Variants in AFF3 observed in about 807,000 individuals in gnomAD.
The protein encoded by AFF3 is ALF transcription elongation factor 3, also known as AF4/FMR2 family member 3.
Under a neutral mutation model 129.7 loss-of-function variants are expected in AFF3, and 32 were observed. That is an observed-to-expected ratio of 0.25 (90% CI 0.19 to 0.33). AFF3 has a LOEUF of 0.33. Ranked by LOEUF, AFF3 falls within the 10% of genes least tolerant of loss-of-function variation. AFF3 has a pLI of 1.00. For missense variants in AFF3, 1,373 were observed against 1,592.0 expected (o/e 0.86, Z 2.34); for synonymous variants, 644 against 635.4 (o/e 1.01, Z -0.20).
Position 99,593,896 on chromosome 2 carries a change from T to C in AFF3, c.1765A>G (p.Arg589Gly). Residue 589 changes from arginine to glycine, a missense_variant, in exon 15 of 25, where the codon AGG becomes GGG. Arg to Gly is a moderately radical substitution (Grantham distance 125). This residue lies in a region of AFF3 where 466 missense variants were observed against 505.0 expected (regional missense o/e 0.92). Transcript: ENST00000672756. ...CCGGCTGAGGTCCTCTCGGTGCGCCTGGTGGGCTTCTTGCCCGCGGACCTC... is the reference window on the plus strand; with the variant it reads ...CCGGCTGAGGTCCTCTCGGTGCGCCCGGTGGGCTTCTTGCCCGCGGACCTC... The part of the protein sequence containing the change: ...ARRSAGKKPT[R>G]RTERTSAGDG... 1 of 1,480,236 alleles carries C rather than the reference T, an allele frequency of 6.8e-7. No homozygotes were observed. The highest frequency in any genetic ancestry group is 8.9e-7 in the Non-Finnish European group (1 of 1,122,684). The allele number at this position is 1,480,236 out of a possible 1,614,324, so 91.7% of individuals were successfully genotyped here.
chr2:99,840,665 C>A (rs900068504), intron 7 of AFF3, among the ~76,000 whole-genome samples: 1 of 152,224 alleles, frequency 6.6e-6, no homozygotes, highest in Non-Finnish European at 1.5e-5. Context: ...CACTCCCATT[C>A]CCAATTCCTT....
intron 7 of AFF3, among the ~76,000 whole-genome samples, chr2:99,956,994 C>T (rs956571458): frequency 6.6e-6 from 1 of 152,198 alleles, no homozygotes; most frequent in African/African-American, 2.4e-5. Flanking sequence ...GCAGAAACAG[C>T]TGAGAGTGGT....
At chr2:99,793,147 G>T (rs1437473395) in intron 8 of AFF3, among the ~76,000 whole-genome samples, 1 of 152,272 alleles carries the variant, frequency 6.6e-6, no homozygotes, top group East Asian at 1.9e-4. Context: ...ATGGTAATGG[G>T]TGAGTTTCTA....
chr2:99,755,708 T>C (rs532679137), intron 8 of AFF3, among the ~76,000 whole-genome samples: 88 of 152,322 alleles, frequency 5.8e-4, no homozygotes, highest in African/African-American at 2.0e-3. Flanking sequence ...TTAACTCTGA[T>C]CTTTGGACTT....
intron 13 of AFF3, among the ~76,000 whole-genome samples, chr2:99,639,976 C>T (rs1218100310): frequency 6.6e-6 from 1 of 152,074 alleles, no homozygotes; most frequent in Non-Finnish European, 1.5e-5. Flanking sequence ...AGCCACTGCA[C>T]CCGGCCCAGG....
intron 2 of AFF3, among the ~76,000 whole-genome samples, chr2:100,119,124 A>G (rs891554449): frequency 2.6e-5 from 4 of 152,180 alleles, no homozygotes; most frequent in Admixed American, 1.3e-4. Context: ...TTGTATACAC[A>G]TAGTCTTAAT....
chr2:100,088,561 A>G (rs1315349024), intron 4 of AFF3, among the ~76,000 whole-genome samples: 1 of 149,460 alleles, frequency 6.7e-6, no homozygotes, highest in Non-Finnish European at 1.5e-5. Context: ...TTTGTTTTCC[A>G]AACGTCTGGA....
intron 7 of AFF3, among the ~76,000 whole-genome samples, chr2:99,981,581 C>G (rs1352880453): frequency 6.6e-6 from 1 of 152,162 alleles, no homozygotes; most frequent in African/African-American, 2.4e-5. Context: ...CACATTATGA[C>G]AATGATATTT....
chr2:100,120,120 G>A (rs145710575), intron 2 of AFF3, among the ~76,000 whole-genome samples: 263 of 152,326 alleles, frequency 1.7e-3, no homozygotes, highest in African/African-American at 5.8e-3. Flanking sequence ...AGTATTATCA[G>A]GTCTTGAGAA....
intron 7 of AFF3, among the ~76,000 whole-genome samples, chr2:100,000,643 A>C (rs1380697260): frequency 6.6e-6 from 1 of 152,186 alleles, no homozygotes; most frequent in Non-Finnish European, 1.5e-5. Flanking sequence ...CCAAATGCTT[A>C]GTATATTGTC....
At chr2:100,029,648 A>G (rs914334519) in intron 4 of AFF3, among the ~76,000 whole-genome samples, 1 of 152,218 alleles carries the variant, frequency 6.6e-6, no homozygotes, top group African/African-American at 2.4e-5. Context: ...GACGGCCACT[A>G]GGGGATGCAG....
In AFF3 at chr2:100,008,803, A is replaced by AC; in HGVS notation, c.174+8dup. ...GAGAGGTAGAGATGAACAACTGAAA[A>AC]CCATCTACCTTGTAGGGCTCACTGA... On this transcript the variant is annotated intron_variant, in intron 5 of 24. Coordinates refer to ENST00000672756, the MANE Select transcript of AFF3 (RefSeq NM_001386135.1). 6.2e-7 allele frequency: 1 copy of AC among 1,612,558 alleles called. No individual in the cohort carries two copies. The highest frequency in any genetic ancestry group is 8.5e-7 in the Non-Finnish European group (1 of 1,179,306).
intron 7 of AFF3, among the ~76,000 whole-genome samples, chr2:99,914,830 G>C (rs962470421): frequency 6.6e-6 from 1 of 152,086 alleles, no homozygotes; most frequent in East Asian, 1.9e-4. Flanking sequence ...TGAGGCAGGA[G>C]AATCGCTTGA....
intron 4 of AFF3, among the ~76,000 whole-genome samples, chr2:100,036,652 T>C (rs148316492): frequency 6.6e-6 from 1 of 151,258 alleles, no homozygotes; most frequent in Non-Finnish European, 1.5e-5. Context: ...AAATTAAAGA[T>C]AAACTAGGAA....
intron 7 of AFF3, among the ~76,000 whole-genome samples, chr2:99,955,313 T>C (rs1676535056): frequency 6.6e-6 from 1 of 152,184 alleles, no homozygotes; most frequent in African/African-American, 2.4e-5. Flanking sequence ...ATATAGAGTA[T>C]TCTGTCCTCT....
chr2:100,121,311 A>G (rs186191673), intron 2 of AFF3, among the ~76,000 whole-genome samples: 5 of 152,294 alleles, frequency 3.3e-5, no homozygotes, highest in Admixed American at 3.3e-4. Context: ...CATCGGAGAG[A>G]AGTGGTTTGA....
chr2:99,809,982 T>C (rs1003059680), intron 8 of AFF3, among the ~76,000 whole-genome samples: 10 of 152,224 alleles, frequency 6.6e-5, no homozygotes, highest in Non-Finnish European at 1.2e-4. Flanking sequence ...TTTTACAAAA[T>C]CTTTGGGAAA....
At chr2:99,683,686 C>T (rs987776086) in intron 11 of AFF3, among the ~76,000 whole-genome samples, 4 of 152,176 alleles carry the variant, frequency 2.6e-5, no homozygotes, top group African/African-American at 9.7e-5. Context: ...AGTGATCCAC[C>T]TGCCTCAGCC....
chr2:99,627,627 C>T (rs537411807), intron 13 of AFF3, among the ~76,000 whole-genome samples: 1 of 152,240 alleles, frequency 6.6e-6, no homozygotes, highest in South Asian at 2.1e-4. Context: ...CTTTTGGCAT[C>T]TTTGTCATGA....
Sources: gnomAD v4.1 joint callset for allele counts (sites outside exome capture counted in the v4.1 genomes callset) on GRCh38, gnomAD v4.1.1 for gene constraint, gnomAD v4.1.1 regional missense constraint, MANE v1.5 for transcripts, NCBI Gene and HGNC (gene_info 2026-07-23, HGNC 2026-07-21) for gene names.